SRCIN1: variants seen among roughly 807,000 people sequenced by gnomAD.
The protein encoded by SRCIN1 is P130Cas-associated protein.
Under a neutral mutation model 116.2 loss-of-function variants are expected in SRCIN1, and 50 were observed. The ratio of observed to expected loss-of-function variants is 0.43; its 90% CI spans 0.34 to 0.54. SRCIN1 has a LOEUF of 0.54. Ranked by LOEUF, SRCIN1 falls within the 20% of genes least tolerant of loss-of-function variation. The pLI, the probability that SRCIN1 is intolerant of heterozygous loss-of-function variation, is 0.02. For synonymous variants in SRCIN1, 736 were observed against 750.0 expected (o/e 0.98, Z 0.30); for missense variants, 1,446 against 1,672.0 (o/e 0.86, Z 2.36).
chr17:38,596,408 C>G (rs1020148679), intron 1 of SRCIN1, among the ~76,000 whole-genome samples: 2 of 152,054 alleles, frequency 1.3e-5, no homozygotes, highest in African/African-American at 4.8e-5. Flanking sequence ...TGGTGGGAGA[C>G]AGACAGGGGG....
intron 18 of SRCIN1, among the ~76,000 whole-genome samples, chr17:38,537,801 A>AG (rs1904485098): frequency 6.7e-6 from 1 of 148,814 alleles, no homozygotes; most frequent in African/African-American, 2.5e-5. Context: ...AAAAAAAAAA[A>AG]AGAAAGAAAA....
intron 3 of SRCIN1, among the ~76,000 whole-genome samples, chr17:38,567,526 C>T (rs1344108187): frequency 1.3e-5 from 2 of 152,090 alleles, no homozygotes; most frequent in Non-Finnish European, 2.9e-5. Context: ...TGCCTCCCAC[C>T]CGCTGTCATG....
At chr17:38,567,727 G>A (rs965868587) in intron 3 of SRCIN1, among the ~76,000 whole-genome samples, 1 of 152,108 alleles carries the variant, frequency 6.6e-6, no homozygotes, top group Non-Finnish European at 1.5e-5. Flanking sequence ...AGGCTTGAGG[G>A]TGTAGGACCA....
At chr17:38,547,717 A>G (rs1456011501) in intron 17 of SRCIN1, 4 of 301,950 alleles carry the variant, frequency 1.3e-5, no homozygotes, top group South Asian at 2.5e-5. Flanking sequence ...GTGGGGGCAC[A>G]GGCAGAGAGA....
chr17:38,533,113 C>G lies in SRCIN1; in HGVS notation c.*184G>C. The G allele has an allele frequency of 3.1e-6, 1 of 318,700 alleles. No individual in the cohort carries two copies. Among genetic ancestry groups the G allele is most frequent in the South Asian group, 1.5e-4 (1 of 6,618 alleles). The allele number at this position is 318,700 out of a possible 1,614,324, so 19.7% of individuals were successfully genotyped here. A position where few individuals can be genotyped will look rare whatever the true frequency, so the allele number is the denominator to read the frequency against. ...TAATTGTTAAAAAAAAAAAAAAAAA[C>G]AAAACCAAAAACACCAACAGATGAT... On this transcript the variant is annotated 3_prime_UTR_variant, in exon 19 of 19. Coordinates refer to ENST00000617146, the MANE Select transcript of SRCIN1 (RefSeq NM_025248.3).
intron 16 of SRCIN1, 142 bp from the exon 17 acceptor site, chr17:38,548,851 G>T: frequency 7.6e-7 from 1 of 1,318,368 alleles, no homozygotes; most frequent in Non-Finnish European, 1.0e-6. Context: ...TCCCTCAACA[G>T]ACAGGGGCCT....
At position 38,564,109 on chromosome 17, in the gene SRCIN1, G is replaced by A. The variant is rs1460297099; in HGVS notation, c.541+9C>T. On this transcript the variant is annotated intron_variant, in intron 4 of 18. Transcript: ENST00000617146. ...TGTGGGGAGGGAGGGTGGACTGGGC[G>A]GGCAGTACCTGGGGAGCGCAGCTTG... 2 of 1,592,608 alleles carry A rather than the reference G, an allele frequency of 1.3e-6. No individual in the cohort carries two copies. Among genetic ancestry groups the A allele is most frequent in the Non-Finnish European group, 1.7e-6 (2 of 1,170,902 alleles).
Position 38,552,896 on chromosome 17 carries a change from G to T in SRCIN1, c.2202-41C>A, listed in dbSNP as rs750946742. ...GACCCTTTCAGCCCTTTTGGCCTGAGATGCCAGCCCAGCCCCCTGAAATTG... is the reference window on the plus strand; with the variant it reads ...GACCCTTTCAGCCCTTTTGGCCTGATATGCCAGCCCAGCCCCCTGAAATTG... On this transcript the variant is annotated intron_variant, in intron 11 of 18. Transcript: ENST00000617146. The surrounding 1 kb of genome is among the most constrained non-coding windows in gnomAD (Gnocchi z 5.3). 6 of 1,590,672 alleles carry T rather than the reference G, an allele frequency of 3.8e-6. No individual in the cohort carries two copies. The African/African-American group carries it at 8.1e-5, about 21-fold the overall frequency.
At position 38,561,536 on chromosome 17, in the gene SRCIN1, G is replaced by C. The variant is rs750756943; in HGVS notation, c.1627C>G (p.Leu543Val). ...GAGCGTTCCCCAGGCCCAGGGAAGA[G>C]CTCCGAAGGGGGAGCTCCGGCCGTC... ...ASTAGAPPSE[L>V]FPGPGERSLV... is the part of the protein sequence containing the mutation. The change falls in exon 7 of 19, where the codon CTC becomes GTC. Residue 543 changes from leucine to valine, a missense_variant. Physicochemically the swap from Leu to Val is conservative, Grantham distance 32. Coordinates refer to ENST00000617146, the MANE Select transcript of SRCIN1 (RefSeq NM_025248.3). 6.2e-7 allele frequency: 1 copy of C among 1,600,392 alleles called. No homozygotes were observed. Among genetic ancestry groups the C allele is most frequent in the Non-Finnish European group, 8.5e-7 (1 of 1,177,102 alleles).
intron 17 of SRCIN1, among the ~76,000 whole-genome samples, chr17:38,548,177 G>A (rs1018049602): frequency 1.3e-5 from 2 of 152,044 alleles, no homozygotes; most frequent in Non-Finnish European, 2.9e-5. Flanking sequence ...TCAGAGCTCC[G>A]TCCTCAGAAT....
At chr17:38,538,143 G>A (rs1040228897) in intron 18 of SRCIN1, among the ~76,000 whole-genome samples, 6 of 147,158 alleles carry the variant, frequency 4.1e-5, no homozygotes, top group Non-Finnish European at 4.5e-5. Flanking sequence ...AAAATAGGCC[G>A]GGTGTGGTGG....
Position 38,585,263 on chromosome 17 carries a change from C to CCA in SRCIN1, c.23-6474_23-6473dup, listed in dbSNP as rs879270527. 5.3e-5 allele frequency among the ~76,000 whole-genome samples: 8 copies of CCA among 151,674 alleles called. No individual in the cohort carries two copies. Among genetic ancestry groups the CCA allele is most frequent in the African/African-American group, 1.7e-4 (7 of 41,308 alleles). On this transcript the variant is annotated intron_variant, in intron 1 of 18. Coordinates refer to ENST00000617146, the MANE Select transcript of SRCIN1 (RefSeq NM_025248.3). This position sits in a 1 kb window ranked among gnomAD's most constrained non-coding sequence, Gnocchi z 4.2. The stretch of plus-strand genomic sequence containing the variant: ...AGGACCTGCCTGCCTTAGGCCACAC[C>CCA]CACACACACACACAAACACACAGCA...
chr17:38,533,835 G>A (rs1364044892), intron 18 of SRCIN1, among the ~76,000 whole-genome samples: 11 of 151,936 alleles, frequency 7.2e-5, no homozygotes, highest in Non-Finnish European at 5.9e-5. Context: ...CGGGGGACGG[G>A]GGTCAGGGTG....
rs1216210211 is a variant in SRCIN1 at position 38,565,880 on chromosome 17, CA to C, written c.346-1568del. ...GGAGGAAGGCAGCATAGAAATGGGC[CA>C]GGGGCAGTAGGGAGGGGCCGCTTGT... On this transcript the variant is annotated intron_variant, in intron 3 of 18. Transcript: ENST00000617146. Among the ~76,000 whole-genome samples, 20 of 152,244 alleles carry C rather than the reference CA, an allele frequency of 1.3e-4. No individual in the cohort carries two copies. In the East Asian group the frequency reaches 3.5e-3, roughly 26 times the overall value.
chr17:38,567,458 T>G (rs1313949540), intron 3 of SRCIN1, among the ~76,000 whole-genome samples: 1 of 152,172 alleles, frequency 6.6e-6, no homozygotes, highest in Non-Finnish European at 1.5e-5. Flanking sequence ...ATTCAAGGAC[T>G]TCTTGCAGTG....
In SRCIN1 at chr17:38,562,414, T is replaced by C; in HGVS notation, c.835-86A>G. 1 of 1,348,558 alleles carries C rather than the reference T, an allele frequency of 7.4e-7. No individual in the cohort carries two copies. The highest frequency in any genetic ancestry group is 9.6e-7 in the Non-Finnish European group (1 of 1,043,876). The allele number at this position is 1,348,558 out of a possible 1,614,324, so 83.5% of individuals were successfully genotyped here. ...GCTTGAGGAGCCAGCATCTCCTCCCTGACGCTTAGGAAGTCCCTTCTGCTC... is the reference window on the plus strand; with the variant it reads ...GCTTGAGGAGCCAGCATCTCCTCCCCGACGCTTAGGAAGTCCCTTCTGCTC... On this transcript the variant is annotated intron_variant, in intron 6 of 18. Coordinates refer to ENST00000617146, the MANE Select transcript of SRCIN1 (RefSeq NM_025248.3). The surrounding 1 kb of genome is among the most constrained non-coding windows in gnomAD (Gnocchi z 4.2).
chr17:38,587,216 T>G (rs1231652861), intron 1 of SRCIN1, among the ~76,000 whole-genome samples: 4 of 150,562 alleles, frequency 2.7e-5, no homozygotes, highest in Non-Finnish European at 5.9e-5. Flanking sequence ...ACATCAGGAG[T>G]GGGGTGGGGT....
At chr17:38,535,202 T>C (rs147541315) in intron 18 of SRCIN1, among the ~76,000 whole-genome samples, 1 of 137,572 alleles carries the variant, frequency 7.3e-6, no homozygotes, top group African/African-American at 3.5e-5. Context: ...GGGTTTTCTT[T>C]TTCTTTCTTT....
intron 1 of SRCIN1, among the ~76,000 whole-genome samples, chr17:38,596,117 G>A (rs576651252): frequency 2.4e-4 from 37 of 152,316 alleles, no homozygotes; most frequent in Admixed American, 2.1e-3. Context: ...CCCTCCCGCC[G>A]CACGCTGGAG....
Sources: gnomAD v4.1 joint callset for allele counts (sites outside exome capture counted in the v4.1 genomes callset) on GRCh38, gnomAD v4.1.1 for gene constraint, Gnocchi (gnomAD v3.1) non-coding constraint, MANE v1.5 for transcripts, NCBI Gene and HGNC (gene_info 2026-07-23, HGNC 2026-07-21) for gene names.